PRKN: variants seen among roughly 807,000 people sequenced by gnomAD.
PRKN encodes parkin RBR E3 ubiquitin protein ligase, also known as E3 ubiquitin-protein ligase parkin.
In PRKN, 56 loss-of-function variants were observed where a neutral mutation model predicts 59.5. That is an observed-to-expected ratio of 0.94 (90% CI 0.76 to 1.18). PRKN has a LOEUF of 1.18. PRKN is among the 50% of genes most tolerant of loss of function. The pLI is 0.00. For missense variants in PRKN, 657 were observed against 596.4 expected (o/e 1.10, Z -1.06); for synonymous variants, 250 against 222.1 (o/e 1.13, Z -1.12).
At chr6:162,307,943 G>C (rs1017473224) in intron 2 of PRKN, among the ~76,000 whole-genome samples, 4 of 152,234 alleles carry the variant, frequency 2.6e-5, no homozygotes, top group Non-Finnish European at 5.9e-5. Context: ...AAGATGTTTT[G>C]AAATATTTGT....
chr6:162,564,363 C>CAA (rs143547116), intron 1 of PRKN, among the ~76,000 whole-genome samples: 1 of 150,868 alleles, frequency 6.6e-6, no homozygotes, highest in Non-Finnish European at 1.5e-5. Context: ...AGAACAAAAA[C>CAA]AAAAAAAACA....
At chr6:161,703,420 T>C (rs1415182618) in intron 7 of PRKN, among the ~76,000 whole-genome samples, 2 of 152,126 alleles carry the variant, frequency 1.3e-5, no homozygotes, top group African/African-American at 2.4e-5. Context: ...TAAGTTAAAG[T>C]CCTGACCAGG....
chr6:161,690,255 T>C (rs1785729317), intron 7 of PRKN, among the ~76,000 whole-genome samples: 1 of 152,166 alleles, frequency 6.6e-6, no homozygotes, highest in African/African-American at 2.4e-5. Flanking sequence ...GTCCTGGCAA[T>C]GGAAGGCACT....
intron 7 of PRKN, among the ~76,000 whole-genome samples, chr6:161,614,176 T>A (rs1782603901): frequency 6.6e-6 from 1 of 152,184 alleles, no homozygotes. Context: ...TTTTAAGGTC[T>A]CCAGGGGTGA....
chr6:162,451,494 A>G (rs1473506860), intron 1 of PRKN, among the ~76,000 whole-genome samples: 1 of 152,038 alleles, frequency 6.6e-6, no homozygotes, highest in African/African-American at 2.4e-5. Context: ...GGAGGCCCAC[A>G]CGGGCAGATC....
chr6:162,521,039 C>T (rs1163422312), intron 1 of PRKN, among the ~76,000 whole-genome samples: 1 of 152,028 alleles, frequency 6.6e-6, no homozygotes, highest in Non-Finnish European at 1.5e-5. Flanking sequence ...TATTTTTTTC[C>T]AGTTTGCAAT....
intron 4 of PRKN, among the ~76,000 whole-genome samples, chr6:162,108,177 T>C (rs1353366395): frequency 6.6e-6 from 1 of 152,150 alleles, no homozygotes; most frequent in Non-Finnish European, 1.5e-5. Context: ...CCATTATGCT[T>C]AGTGGTGGGA....
intron 5 of PRKN, among the ~76,000 whole-genome samples, chr6:162,009,753 T>C (rs974382015): frequency 2.0e-5 from 3 of 151,370 alleles, no homozygotes; most frequent in East Asian, 2.0e-4. Flanking sequence ...ATGGCCAACA[T>C]AGCAAAACCC....
Position 161,369,891 on chromosome 6 carries a change from G to C in PRKN, c.1168-9686C>G. On this transcript the variant is annotated intron_variant, in intron 10 of 11. Transcript: ENST00000366898. The surrounding 1 kb of genome is among the most constrained non-coding windows in gnomAD (Gnocchi z 5.8). ...CCCTCAGAAAGGTAAAGGCATGATC[G>C]TCCATCTGTGGCTCAAGAGGAATAA... 1 of 348,498 alleles carries C rather than the reference G, an allele frequency of 2.9e-6. No individual in the cohort carries two copies. The allele number at this position is 348,498 out of a possible 1,614,324, so 21.6% of individuals were successfully genotyped here. A position where few individuals can be genotyped will look rare whatever the true frequency, so the allele number is the denominator to read the frequency against.
chr6:161,419,048 A>G lies in PRKN; in HGVS notation c.1084-32171T>C, dbSNP rs1787972732. On this transcript the variant is annotated intron_variant, in intron 9 of 11. Coordinates refer to ENST00000366898, the MANE Select transcript of PRKN (RefSeq NM_004562.3). This position sits in a 1 kb window ranked among gnomAD's most constrained non-coding sequence, Gnocchi z 4.1. The stretch of plus-strand genomic sequence containing the variant: ...CTGAAAATACGTTGGATGTAAACAC[A>G]TCGTTTACATGAAGGACATGGAATT... 6.6e-6 allele frequency among the ~76,000 whole-genome samples: 1 copy of G among 152,196 alleles called. No individual in the cohort carries two copies. Among genetic ancestry groups the G allele is most frequent in the South Asian group, 2.1e-4 (1 of 4,832 alleles).
chr6:161,721,232 G>T (rs1437521142), intron 7 of PRKN, among the ~76,000 whole-genome samples: 3 of 152,212 alleles, frequency 2.0e-5, no homozygotes, highest in Admixed American at 6.5e-5. Context: ...ATAAAATAAA[G>T]CTGTCCCTTG....
intron 4 of PRKN, among the ~76,000 whole-genome samples, chr6:162,173,639 G>A (rs1004069442): frequency 6.6e-6 from 1 of 151,234 alleles, no homozygotes; most frequent in Non-Finnish European, 1.5e-5. Context: ...CAAGTCATGT[G>A]TGAATTTGAT....
intron 7 of PRKN, among the ~76,000 whole-genome samples, chr6:161,730,893 G>A (rs112805206): frequency 0.28 from 38,738 of 140,846 alleles, 11,281 homozygotes; most frequent in African/African-American, 0.73. Context: ...TTGCATTCTG[G>A]CGTGTTGCAT....
chr6:161,862,871 AAG>A (rs1793962830), intron 6 of PRKN, among the ~76,000 whole-genome samples: 1 of 152,208 alleles, frequency 6.6e-6, no homozygotes, highest in African/African-American at 2.4e-5. Context: ...TTGTTTTTTT[AAG>A]AGAAAGACTA....
intron 1 of PRKN, among the ~76,000 whole-genome samples, chr6:162,628,130 T>A (rs1176400216): frequency 6.6e-6 from 1 of 152,066 alleles, no homozygotes; most frequent in African/African-American, 2.4e-5. Context: ...GAAGCCAGAC[T>A]GTCATGAAAT....
At chr6:162,376,253 A>C (rs1357350924) in intron 2 of PRKN, among the ~76,000 whole-genome samples, 3 of 152,118 alleles carry the variant, frequency 2.0e-5, no homozygotes, top group African/African-American at 7.2e-5. Flanking sequence ...ACTCCTGATT[A>C]CTTTACCCAT....
At position 161,831,227 on chromosome 6, in the gene PRKN, G is replaced by A. The variant is rs1792486204; in HGVS notation, c.735-45319C>T. Among the ~76,000 whole-genome samples the A allele has an allele frequency of 2.0e-5, 3 of 152,136 alleles. No homozygotes were observed. In the South Asian group the frequency reaches 6.2e-4, roughly 31 times the overall value. ...TCTGCAGTTTCCACTTACAGCATTA[G>A]CAAAACAAAACACAATGAAATAAAA... On this transcript the variant is annotated intron_variant, in intron 6 of 11. Transcript: ENST00000366898.
At chr6:161,996,748 A>G (rs532148477) in intron 5 of PRKN, among the ~76,000 whole-genome samples, 6 of 152,298 alleles carry the variant, frequency 3.9e-5, no homozygotes, top group African/African-American at 9.6e-5. Context: ...AGGGAACAGT[A>G]TAAGTATGAA....
intron 2 of PRKN, among the ~76,000 whole-genome samples, chr6:162,373,459 C>A (rs1312702762): frequency 1.3e-5 from 2 of 152,100 alleles, no homozygotes; most frequent in Non-Finnish European, 2.9e-5. Flanking sequence ...TTAACCAGAA[C>A]CCTGAGTACT....
Sources: allele counts gnomAD v4.1 joint callset (sites outside exome capture counted in the v4.1 genomes callset), GRCh38; gene constraint gnomAD v4.1.1; non-coding constraint Gnocchi (gnomAD v3.1); transcripts MANE v1.5; gene names NCBI Gene and HGNC (gene_info 2026-07-23, HGNC 2026-07-21).